The following FAM131A variants were observed in gnomAD, a reference collection of about 807,000 sequenced individuals.
FAM131A encodes the protein family with sequence similarity 131 member A.
In FAM131A, 24 loss-of-function variants were observed where a neutral mutation model predicts 39.2. The observed-to-expected ratio is 0.61, with a 90% confidence interval of 0.44 to 0.86. The LOEUF (loss-of-function observed/expected upper bound fraction) is 0.86. Ranked by LOEUF, FAM131A falls within the 40% of genes least tolerant of loss-of-function variation. The probability of loss-of-function intolerance (pLI) is 0.00; values close to 1 mark genes in which losing one functional copy is unlikely to be tolerated. For missense variants in FAM131A, 373 were observed against 481.2 expected, an observed-to-expected ratio of 0.78 and a Z score of 2.10; for synonymous variants, 202 against 206.8, an observed-to-expected ratio of 0.98 and a Z score of 0.20.
chr3:184,342,334 G>C lies in FAM131A; in HGVS notation c.508+86G>C. 1 of 1,435,802 alleles carries C rather than the reference G, an allele frequency of 7.0e-7. No individual in the cohort carries two copies. Among genetic ancestry groups the C allele is most frequent in the Non-Finnish European group, 9.2e-7 (1 of 1,088,588 alleles). 88.9% of individuals were successfully genotyped at this position (1,435,802 alleles called of 1,614,324 possible). A position where few individuals can be genotyped will look rare whatever the true frequency, so the allele number is the denominator to read the frequency against. On this transcript the variant is annotated intron_variant, in intron 4 of 5. Coordinates refer to ENST00000383847, the MANE Select transcript of FAM131A (RefSeq NM_144635.5). The surrounding 1 kb of genome is among the most constrained non-coding windows in gnomAD (Gnocchi z 4.6). ...TTATTTAATTTTTTTTTGAGACGGA[G>C]TCTCACTCTGTCGCCCAGGCTGGAG... is the stretch of plus-strand genomic sequence containing the variant.
chr3:184,336,079 G>C (rs1022104769), upstream of FAM131A: 6 of 152,384 alleles, frequency 3.9e-5, no homozygotes, highest in Non-Finnish European at 7.3e-5. The surrounding 1 kb of genome is among the most constrained non-coding windows in gnomAD (Gnocchi z 5.5). Flanking sequence ...GTGCCTGGGT[G>C]CCCGGCCATG....
rs1727629531 is a variant in FAM131A at position 184,345,820 on chromosome 3, T to C, written c.*850T>C. On this transcript the variant is annotated 3_prime_UTR_variant, in exon 6 of 6. Coordinates refer to ENST00000383847, the MANE Select transcript of FAM131A (RefSeq NM_144635.5). ...TGGTTGCCACAGAGCTGGGACTTCA[T>C]GTTCTTCTAGAGAGGGCCACAAGAG... is the stretch of plus-strand genomic sequence containing the variant. 2 of 549,570 alleles carry C rather than the reference T, an allele frequency of 3.6e-6. No homozygotes were observed. Among genetic ancestry groups the C allele is most frequent in the South Asian group, 2.4e-5 (1 of 41,742 alleles). The allele number at this position is 549,570 out of a possible 1,614,324, so 34.0% of individuals were successfully genotyped here. A position where few individuals can be genotyped will look rare whatever the true frequency, so the allele number is the denominator to read the frequency against.
chr3:184,336,651 T>G (rs887500125), upstream of FAM131A, among the ~76,000 whole-genome samples: 1 of 152,194 alleles, frequency 6.6e-6, no homozygotes, highest in Non-Finnish European at 1.5e-5. The surrounding 1 kb of genome is among the most constrained non-coding windows in gnomAD (Gnocchi z 5.5). Context: ...CCCTCTTCAG[T>G]CAGTCGGCGA....
Position 184,344,476 on chromosome 3 carries a change from T to C in FAM131A, c.626-19T>C. 1 of 1,514,412 alleles carries C rather than the reference T, an allele frequency of 6.6e-7. No homozygotes were observed. 93.8% of individuals were successfully genotyped at this position (1,514,412 alleles called of 1,614,324 possible). A position where few individuals can be genotyped will look rare whatever the true frequency, so the allele number is the denominator to read the frequency against. On this transcript the variant is annotated intron_variant, in intron 5 of 5. Coordinates refer to ENST00000383847, the MANE Select transcript of FAM131A (RefSeq NM_144635.5). ...AAATGGAGCCAGCAGGACTGTCTTC[T>C]TTTCTCTTCTCCTCACAGACATGGC... is the stretch of plus-strand genomic sequence containing the variant.
At chr3:184,337,260 G>A (rs541189167), upstream of FAM131A, 3 of 213,040 alleles carry the variant, frequency 1.4e-5, no homozygotes, top group African/African-American at 2.3e-5. Flanking sequence ...TTAGGTACCA[G>A]TTGGGGGCCA....
At position 184,345,717 on chromosome 3, in the gene FAM131A, G is replaced by A; in HGVS notation, c.*747G>A. The A allele has an allele frequency of 3.3e-6, 2 of 603,604 alleles. No homozygotes were observed. Among genetic ancestry groups the A allele is most frequent in the South Asian group, 2.0e-5 (1 of 49,516 alleles). 37.4% of individuals were successfully genotyped at this position (603,604 alleles called of 1,614,324 possible). On this transcript the variant is annotated 3_prime_UTR_variant, in exon 6 of 6. Transcript: ENST00000383847. ...ACCCCTCCTAGGATGTGCGGGCAGT[G>A]TGCTGGCGCCTCACAGCCAGCCGGG...
chr3:184,340,960 G>A (rs1436387923), intron 2 of FAM131A: 2 of 152,576 alleles, frequency 1.3e-5, no homozygotes, highest in Admixed American at 6.5e-5. Flanking sequence ...AGAAGAGATG[G>A]GGAGCACTAC....
At chr3:184,337,320 G>A (rs1727164847), upstream of FAM131A, 1 of 276,364 alleles carries the variant, frequency 3.6e-6, no homozygotes, top group Non-Finnish European at 6.9e-6. Flanking sequence ...GCATTTCTGG[G>A]GACCAACAGC....
chr3:184,342,346 C>T lies in FAM131A; in HGVS notation c.508+98C>T, dbSNP rs543453994. The T allele has an allele frequency of 6.3e-4, 887 of 1,400,580 alleles. 1 individual carries two copies. The highest frequency in any genetic ancestry group is 7.9e-4 in the Non-Finnish European group (838 of 1,060,742). 86.8% of individuals were successfully genotyped at this position (1,400,580 alleles called of 1,614,324 possible). On this transcript the variant is annotated intron_variant, in intron 4 of 5. Transcript: ENST00000383847. This position sits in a 1 kb window ranked among gnomAD's most constrained non-coding sequence, Gnocchi z 4.6. ...TTTTTGAGACGGAGTCTCACTCTGT[C>T]GCCCAGGCTGGAGTGCAGTGATGCA... is the stretch of plus-strand genomic sequence containing the variant.
intron 5 of FAM131A, among the ~76,000 whole-genome samples, chr3:184,344,174 A>T (rs1484946947): frequency 2.6e-5 from 4 of 152,092 alleles, no homozygotes; most frequent in African/African-American, 9.7e-5. Context: ...TAGTAGAGAC[A>T]GGGTTTCTCC....
chr3:184,336,744 C>G (rs955815318), upstream of FAM131A, among the ~76,000 whole-genome samples: 2 of 152,230 alleles, frequency 1.3e-5, no homozygotes, highest in African/African-American at 4.8e-5. This position sits in a 1 kb window ranked among gnomAD's most constrained non-coding sequence, Gnocchi z 5.5. Flanking sequence ...GTCCTGCCCC[C>G]ACTCAGCAAA....
At chr3:184,341,673 G>T (rs1466898349) in intron 2 of FAM131A, 51 bp from the exon 3 acceptor site, 1 of 1,512,926 alleles carries the variant, frequency 6.6e-7, no homozygotes, top group African/African-American at 1.4e-5. Flanking sequence ...ATGTTAGGGG[G>T]AAGGTCATTG....
intron 2 of FAM131A, chr3:184,340,817 G>A (rs1727338063): frequency 6.6e-6 from 1 of 152,230 alleles, no homozygotes; most frequent in East Asian, 1.9e-4. Context: ...CGTTGATGGA[G>A]AGTGATTTGT....
At chr3:184,341,451 C>G in intron 2 of FAM131A, 1 of 526,294 alleles carries the variant, frequency 1.9e-6, no homozygotes, top group South Asian at 2.2e-5. Flanking sequence ...TCATTTCCTG[C>G]CCTGCCTCCA....
upstream of FAM131A, among the ~76,000 whole-genome samples, chr3:184,336,633 A>G (rs928709866): frequency 2.0e-5 from 3 of 152,172 alleles, no homozygotes; most frequent in Non-Finnish European, 4.4e-5. This position sits in a 1 kb window ranked among gnomAD's most constrained non-coding sequence, Gnocchi z 5.5. Context: ...TTTGTCGGAC[A>G]TTGACTCCCC....
chr3:184,345,752 C>G lies in FAM131A; in HGVS notation c.*782C>G, dbSNP rs1312813159. The stretch of plus-strand genomic sequence containing the variant: ...CTCACAGCCAGCCGGGCTGCCCATT[C>G]ACGCAGAGCTCTCTGAGCGGGAGGT... On this transcript the variant is annotated 3_prime_UTR_variant, in exon 6 of 6. Coordinates refer to ENST00000383847, the MANE Select transcript of FAM131A (RefSeq NM_144635.5). The G allele has an allele frequency of 6.8e-6, 4 of 591,802 alleles. No individual in the cohort carries two copies. The East Asian group carries it at 8.7e-5, about 13-fold the overall frequency. 36.7% of individuals were successfully genotyped at this position (591,802 alleles called of 1,614,324 possible).
rs1727449948 is a variant in FAM131A at position 184,342,917 on chromosome 3, C to G, written c.625+57C>G. The G allele has an allele frequency of 2.1e-6, 3 of 1,424,350 alleles. No homozygotes were observed. Among genetic ancestry groups the G allele is most frequent in the Admixed American group, 3.4e-5 (2 of 58,972 alleles). 88.2% of individuals were successfully genotyped at this position (1,424,350 alleles called of 1,614,324 possible). ...GACCCACCTGATAGACCTTGGCATT[C>G]TTTCAGAGCCACATCCAGAACACTC... On this transcript the variant is annotated intron_variant, in intron 5 of 5. Transcript: ENST00000383847. This position sits in a 1 kb window ranked among gnomAD's most constrained non-coding sequence, Gnocchi z 4.6.
intron 3 of FAM131A, 108 bp from the exon 4 acceptor site, chr3:184,341,958 A>T (rs753059263): frequency 6.6e-7 from 1 of 1,516,632 alleles, no homozygotes; most frequent in Non-Finnish European, 9.2e-7. Context: ...CCCTTCTCCC[A>T]CCCAAAGGTT....
intron 2 of FAM131A, chr3:184,338,862 G>A (rs998676159): frequency 8.4e-6 from 2 of 239,428 alleles, no homozygotes; most frequent in Non-Finnish European, 8.2e-6. Flanking sequence ...CACGGATGGC[G>A]GCGGCTGAGG....
Sources: gnomAD v4.1 joint callset for allele counts (sites outside exome capture counted in the v4.1 genomes callset) on GRCh38, gnomAD v4.1.1 for gene constraint, Gnocchi (gnomAD v3.1) non-coding constraint, MANE v1.5 for transcripts, NCBI Gene and HGNC (gene_info 2026-07-23, HGNC 2026-07-21) for gene names.